The following SYCP1 variants were observed in gnomAD, a reference collection of about 807,000 sequenced individuals.
SYCP1 encodes the protein synaptonemal complex protein 1.
SYCP1 carries 64 observed loss-of-function variants against 153.1 expected under a neutral mutation model. The observed-to-expected ratio is 0.42, with a 90% CI of 0.34 to 0.51. SYCP1 has a LOEUF of 0.51. Among genes scored for constraint, SYCP1 ranks in the 20% least tolerant of loss-of-function variants. The pLI is 0.06. For synonymous variants in SYCP1, 384 were observed against 341.8 expected, an observed-to-expected ratio of 1.12 and a Z score of -1.36; for missense variants, 997 against 1,049.0, an observed-to-expected ratio of 0.95 and a Z score of 0.68.
chr1:114,883,792 A>G (rs1297017341), intron 12 of SYCP1, among the ~76,000 whole-genome samples: 1 of 152,214 alleles, frequency 6.6e-6, no homozygotes, highest in African/African-American at 2.4e-5. Flanking sequence ...TTCCTGGTTC[A>G]GGTGATTCTC....
At position 114,926,326 on chromosome 1, in the gene SYCP1, G is replaced by A. The variant is rs781381568; in HGVS notation, c.1849G>A (p.Glu617Lys). 2.0e-5 allele frequency: 30 copies of A among 1,530,562 alleles called. No individual in the cohort carries two copies. The South Asian group carries it at 3.8e-4, about 20-fold the overall frequency. 94.8% of individuals were successfully genotyped at this position (1,530,562 alleles called of 1,614,324 possible). A position where few individuals can be genotyped will look rare whatever the true frequency, so the allele number is the denominator to read the frequency against. Residue 617 changes from glutamate to lysine, a missense_variant, in exon 22 of 32, where the codon GAA (glutamate) becomes AAA (lysine). By Grantham distance (56) the Glu-to-Lys change is moderately conservative (BLOSUM62 1). Transcript: ENST00000369522. The stretch of plus-strand genomic sequence containing the variant: ...TGAAAATAAAAACAAGTATATTGAA[G>A]AACTTCAGCAGGAGGTATGTATTTT... Reference protein sequence around the residue: ...QVENKNKYIEELQQENKALKK... With the variant: ...QVENKNKYIEKLQQENKALKK...
intron 20 of SYCP1, among the ~76,000 whole-genome samples, chr1:114,920,638 T>G (rs1008196689): frequency 3.3e-5 from 5 of 152,136 alleles, no homozygotes; most frequent in Non-Finnish European, 7.4e-5. Flanking sequence ...TAATATTTGT[T>G]TTATATATCT....
At chr1:114,857,331 T>C in intron 4 of SYCP1, 56 bp downstream of exon 4, 3 of 1,564,588 alleles carry the variant, frequency 1.9e-6, no homozygotes, top group South Asian at 1.2e-5. Context: ...AACTGCTTAT[T>C]TGAAGACGAA....
intron 8 of SYCP1, 109 bp from the exon 9 acceptor site, chr1:114,874,397 A>G: frequency 3.0e-6 from 2 of 665,724 alleles, no homozygotes; most frequent in East Asian, 3.0e-5. Flanking sequence ...AATGTTCATC[A>G]TTAACACAGA....
At position 114,995,056 on chromosome 1, in the gene SYCP1, G is replaced by T; in HGVS notation, c.*37G>T. On this transcript the variant is annotated 3_prime_UTR_variant, in exon 32 of 32. Transcript: ENST00000369522. ...CAGTGTAGTTAAGGAGCCTAATAAC[G>T]TGAAACTTATAGTTAATATTTTGTT... The T allele has an allele frequency of 6.5e-7, 1 of 1,530,462 alleles. No homozygotes were observed. The highest frequency in any genetic ancestry group is 8.8e-7 in the Non-Finnish European group (1 of 1,142,630). 94.8% of individuals were successfully genotyped at this position (1,530,462 alleles called of 1,614,324 possible).
Position 114,860,826 on chromosome 1 carries a change from T to C in SYCP1, c.598+17T>C. On this transcript the variant is annotated intron_variant, in intron 8 of 31. Transcript: ENST00000369522. ...CAAAGAAATGTAAATATCTTTCTTG[T>C]TTTATGTGATTTTATCAATTTATTT... The C allele has an allele frequency of 6.5e-7, 1 of 1,528,530 alleles. No homozygotes were observed. The highest frequency in any genetic ancestry group is 8.8e-7 in the Non-Finnish European group (1 of 1,130,998). The allele number at this position is 1,528,530 out of a possible 1,614,324, so 94.7% of individuals were successfully genotyped here.
At chr1:114,886,408 G>A in intron 14 of SYCP1, 99 bp downstream of exon 14, 3 of 1,036,920 alleles carry the variant, frequency 2.9e-6, no homozygotes, top group Non-Finnish European at 3.9e-6. Flanking sequence ...ACTGATGTGT[G>A]TAATTCATAT....
intron 14 of SYCP1, among the ~76,000 whole-genome samples, chr1:114,886,688 C>A (rs1570701741): frequency 6.6e-6 from 1 of 152,098 alleles, no homozygotes; most frequent in South Asian, 2.1e-4. Context: ...GTAGACCTTT[C>A]TGATTTATAA....
intron 15 of SYCP1, among the ~76,000 whole-genome samples, chr1:114,893,422 T>C (rs890955223): frequency 2.6e-5 from 4 of 152,204 alleles, no homozygotes; most frequent in Non-Finnish European, 5.9e-5. Flanking sequence ...TGTTTCTCCC[T>C]TGCTAATTCA....
chr1:114,929,065 T>C (rs996163541), intron 23 of SYCP1, among the ~76,000 whole-genome samples: 2 of 152,106 alleles, frequency 1.3e-5, no homozygotes, highest in Non-Finnish European at 1.5e-5. Flanking sequence ...GGGATCCTTT[T>C]TACAACGTGA....
chr1:114,858,575 C>T lies in SYCP1; in HGVS notation c.320C>T (p.Ser107Leu), dbSNP rs1664167948. Residue 107 changes from serine (S) to leucine (L), a missense_variant, in exon 6 of 32, where the codon TCA (serine) becomes TTA (leucine). Physicochemically the swap from Ser to Leu is moderately radical, Grantham distance 145 (BLOSUM62 -2). Coordinates refer to ENST00000369522, the MANE Select transcript of SYCP1 (RefSeq NM_003176.4). ...TCAGAGGGATTGAGCAGAGTGTATT[C>T]AAAACTGTATAAGGAGGCTGAAAAG... ...ENSEGLSRVYSKLYKEAEKIK... is the reference protein window; with the variant it reads ...ENSEGLSRVYLKLYKEAEKIK... The T allele has an allele frequency of 6.2e-7, 1 of 1,606,676 alleles. No homozygotes were observed. The highest frequency in any genetic ancestry group is 8.5e-7 in the Non-Finnish European group (1 of 1,176,246).
At chr1:114,985,772 G>T (rs1673457561) in intron 30 of SYCP1, among the ~76,000 whole-genome samples, 2 of 151,462 alleles carry the variant, frequency 1.3e-5, no homozygotes, top group South Asian at 2.1e-4. Flanking sequence ...TGTGAACCAG[G>T]TACTATTGTA....
At chr1:114,933,601 T>A (rs943764179) in intron 23 of SYCP1, among the ~76,000 whole-genome samples, 1 of 151,946 alleles carries the variant, frequency 6.6e-6, no homozygotes, top group Admixed American at 6.6e-5. Flanking sequence ...ATAACAAACT[T>A]CTCCGAGCTA....
At chr1:114,875,396 A>C (rs1302551720) in intron 9 of SYCP1, among the ~76,000 whole-genome samples, 1 of 151,058 alleles carries the variant, frequency 6.6e-6, no homozygotes, top group Non-Finnish European at 1.5e-5. Context: ...AGTAGCTGGG[A>C]CTACAGGGGA....
At chr1:114,889,476 T>C (rs1161263188) in intron 15 of SYCP1, among the ~76,000 whole-genome samples, 1 of 152,250 alleles carries the variant, frequency 6.6e-6, no homozygotes, top group Non-Finnish European at 1.5e-5. Flanking sequence ...TTTTTTCATA[T>C]GTCTGTTGGC....
At chr1:114,908,699 T>C (rs983384269) in intron 16 of SYCP1, among the ~76,000 whole-genome samples, 6 of 152,192 alleles carry the variant, frequency 3.9e-5, no homozygotes, top group African/African-American at 1.4e-4. Flanking sequence ...TCTTATTTTC[T>C]ATTTCTTTCC....
At chr1:114,874,248 A>T (rs1570674630) in intron 8 of SYCP1, among the ~76,000 whole-genome samples, 1 of 152,214 alleles carries the variant, frequency 6.6e-6, no homozygotes, top group East Asian at 1.9e-4. Flanking sequence ...ATCTGAGAAG[A>T]GTTATTAATT....
At chr1:114,936,745 C>A (rs1467948123) in intron 23 of SYCP1, among the ~76,000 whole-genome samples, 2 of 152,142 alleles carry the variant, frequency 1.3e-5, no homozygotes, top group Admixed American at 1.3e-4. Context: ...CACAAGCATT[C>A]CTATACACCA....
intron 12 of SYCP1, among the ~76,000 whole-genome samples, chr1:114,885,269 G>T (rs1249307836): frequency 6.6e-6 from 1 of 151,846 alleles, no homozygotes; most frequent in East Asian, 1.9e-4. Flanking sequence ...GTCTACTTTT[G>T]GATATTTAGG....
Sources: allele counts gnomAD v4.1 joint callset (sites outside exome capture counted in the v4.1 genomes callset), GRCh38; gene constraint gnomAD v4.1.1; transcripts MANE v1.5; gene names NCBI Gene and HGNC (gene_info 2026-07-23, HGNC 2026-07-21).